Variants in NAALADL2 observed in about 807,000 individuals in gnomAD.
NAALADL2 encodes N-acetylated alpha-linked acidic dipeptidase like 2, also known as inactive N-acetylated-alpha-linked acidic dipeptidase-like protein 2.
NAALADL2 carries 76 observed loss-of-function variants against 87.2 expected under a neutral mutation model. The ratio of observed to expected loss-of-function variants is 0.87; its 90% CI spans 0.72 to 1.05. The LOEUF (loss-of-function observed/expected upper bound fraction) is 1.05. NAALADL2 is among the 50% of genes least tolerant of loss of function. The pLI is 0.00. For missense variants in NAALADL2, 1,089 were observed against 945.8 expected (o/e 1.15, Z -1.99); for synonymous variants, 354 against 331.0 (o/e 1.07, Z -0.75).
intron 3 of NAALADL2, among the ~76,000 whole-genome samples, chr3:174,849,334 C>A (rs1413138217): frequency 3.9e-5 from 6 of 152,130 alleles, no homozygotes; most frequent in Non-Finnish European, 8.8e-5. Context: ...GCTTAAAACA[C>A]AGACACATTG....
chr3:174,681,421 C>G (rs945434898), intron 2 of NAALADL2, among the ~76,000 whole-genome samples: 1 of 152,032 alleles, frequency 6.6e-6, no homozygotes, highest in East Asian at 1.9e-4. Flanking sequence ...GCCCACAGCT[C>G]TGAGAAAGAC....
At chr3:175,257,475 C>G (rs1258811523) in intron 4 of NAALADL2, among the ~76,000 whole-genome samples, 9 of 151,390 alleles carry the variant, frequency 5.9e-5, no homozygotes, top group Admixed American at 5.9e-4. Flanking sequence ...ACAGAATATA[C>G]AGTGATACTA....
chr3:175,624,150 T>C (rs1726654222), intron 10 of NAALADL2, among the ~76,000 whole-genome samples: 1 of 152,052 alleles, frequency 6.6e-6, no homozygotes. Context: ...CTGTGACTCA[T>C]ATGCAGAGTT....
chr3:175,801,602 A>C (rs9290571), intron 13 of NAALADL2, among the ~76,000 whole-genome samples: 28,144 of 151,884 alleles, frequency 0.19, 3,664 homozygotes, highest in African/African-American at 0.37. Flanking sequence ...TCAAGATGCA[A>C]TTTAAATATT....
intron 5 of NAALADL2, among the ~76,000 whole-genome samples, chr3:175,365,650 A>T (rs897033912): frequency 4.8e-5 from 7 of 147,150 alleles, no homozygotes; most frequent in African/African-American, 1.7e-4. Flanking sequence ...CAGGTCTGAA[A>T]TTGTGTGTAC....
chr3:174,723,294 T>C (rs1164653652), intron 2 of NAALADL2, among the ~76,000 whole-genome samples: 1 of 152,168 alleles, frequency 6.6e-6, no homozygotes, highest in Non-Finnish European at 1.5e-5. Context: ...CCTATTCCTA[T>C]GAAACTAGAA....
At chr3:175,361,393 T>C (rs2148909406) in intron 5 of NAALADL2, among the ~76,000 whole-genome samples, 1 of 148,248 alleles carries the variant, frequency 6.7e-6, no homozygotes, top group African/African-American at 2.4e-5. Flanking sequence ...GTAATGGGAT[T>C]GGTGGGTCAA....
intron 2 of NAALADL2, among the ~76,000 whole-genome samples, chr3:175,177,526 G>C (rs115297308): frequency 2.7e-3 from 418 of 152,124 alleles, no homozygotes; most frequent in African/African-American, 9.4e-3. Flanking sequence ...GTTGGCAAAC[G>C]TAACAGTAGT....
At chr3:175,790,360 C>T (rs1752638588) in intron 13 of NAALADL2, among the ~76,000 whole-genome samples, 1 of 152,010 alleles carries the variant, frequency 6.6e-6, no homozygotes. Context: ...ACCTATTTGC[C>T]TTCTCAGTTT....
intron 2 of NAALADL2, among the ~76,000 whole-genome samples, chr3:175,116,029 TCAA>T (rs2108526471): frequency 1.3e-5 from 2 of 151,824 alleles, no homozygotes; most frequent in South Asian, 4.2e-4. Flanking sequence ...TCGACAAAAT[TCAA>T]CAGCCTTCAT....
chr3:174,641,582 C>A (rs951018948), intron 2 of NAALADL2, among the ~76,000 whole-genome samples: 2 of 152,082 alleles, frequency 1.3e-5, no homozygotes, highest in African/African-American at 4.8e-5. Flanking sequence ...GAATTCAACA[C>A]GTCAATGTAC....
intron 2 of NAALADL2, among the ~76,000 whole-genome samples, chr3:175,191,153 C>T (rs1738134154): frequency 6.6e-6 from 1 of 152,072 alleles, no homozygotes; most frequent in Non-Finnish European, 1.5e-5. Flanking sequence ...GGAGGGCTAA[C>T]TATGTGAGAT....
chr3:175,450,022 G>C (rs943650777), intron 6 of NAALADL2, among the ~76,000 whole-genome samples: 1 of 151,992 alleles, frequency 6.6e-6, no homozygotes, highest in African/African-American at 2.4e-5. Context: ...TCCAAATACT[G>C]ATTGAACAGT....
chr3:174,806,847 A>C (rs906618382), intron 3 of NAALADL2, among the ~76,000 whole-genome samples: 3 of 152,122 alleles, frequency 2.0e-5, no homozygotes, highest in African/African-American at 7.2e-5. Context: ...TCTGTATTAT[A>C]GTTTATAGTG....
chr3:175,273,944 GT>G (rs530481823), intron 4 of NAALADL2, among the ~76,000 whole-genome samples: 18 of 151,064 alleles, frequency 1.2e-4, no homozygotes, highest in African/African-American at 4.1e-4. Flanking sequence ...ACATTTCTTT[GT>G]TTTTTTTCAA....
At chr3:175,398,023 C>T (rs552230651) in intron 5 of NAALADL2, among the ~76,000 whole-genome samples, 28 of 152,032 alleles carry the variant, frequency 1.8e-4, no homozygotes, top group African/African-American at 6.7e-4. Flanking sequence ...AGGTATTGTG[C>T]CCCCAAAACA....
At position 175,576,152 on chromosome 3, in the gene NAALADL2, G is replaced by T. The variant is rs751338020; in HGVS notation, c.1765G>T (p.Val589Leu). 3 of 1,613,712 alleles carry T rather than the reference G, an allele frequency of 1.9e-6. No individual in the cohort carries two copies. In the South Asian group the frequency reaches 3.3e-5, roughly 18 times the overall value. ...YFINHLGVPI[V>L]QFAYEDIKTL... Reference sequence around the variant, plus strand: ...CATCAACCATCTTGGAGTTCCCATCGTGCAGTTTGCTTACGAGGACATCAA... The same window carrying T: ...CATCAACCATCTTGGAGTTCCCATCTTGCAGTTTGCTTACGAGGACATCAA... Residue 589 changes from valine to leucine, a missense_variant, in exon 10 of 14, where the codon GTG becomes TTG. Physicochemically the swap from Val to Leu is conservative, Grantham distance 32 (BLOSUM62 1). Transcript: ENST00000454872.
At chr3:174,561,365 A>G (rs2222045) in intron 2 of NAALADL2, among the ~76,000 whole-genome samples, 28,436 of 151,650 alleles carry the variant, frequency 0.19, 2,818 homozygotes, top group South Asian at 0.21. Context: ...ATGCCCAGCT[A>G]ATTTTTTTGT....
rs555024300 is a variant in NAALADL2, at chr3:175,318,489, T to C, written c.940-5686T>C. 1.0e-3 allele frequency among the ~76,000 whole-genome samples: 158 copies of C among 152,250 alleles called. 1 individual carries two copies. Among genetic ancestry groups the C allele is most frequent in the African/African-American group, 3.6e-3 (148 of 41,564 alleles). ...TCCAGCGAAGTTTTTATTTTTTTCC[T>C]CAAAAAACTTTTGTTAGTTTTTATT... On this transcript the variant is annotated intron_variant, in intron 4 of 13. Transcript: ENST00000454872.
Sources: gnomAD v4.1 joint callset for allele counts (sites outside exome capture counted in the v4.1 genomes callset) on GRCh38, gnomAD v4.1.1 for gene constraint, MANE v1.5 for transcripts, NCBI Gene and HGNC (gene_info 2026-07-23, HGNC 2026-07-21) for gene names.